Variants in SYNJ2 observed in about 807,000 individuals in gnomAD.
SYNJ2 encodes the protein polyphosphatidylinositol phosphatase SYNJ2.
Under a neutral mutation model 141.3 loss-of-function variants are expected in SYNJ2, and 116 were observed. The observed-to-expected ratio is 0.82, with a 90% confidence interval of 0.71 to 0.96. The LOEUF is 0.96. Ranked by LOEUF, SYNJ2 falls within the 40% of genes least tolerant of loss-of-function variation. The pLI, the probability that SYNJ2 is intolerant of heterozygous loss-of-function variation, is 0.00. For synonymous variants in SYNJ2, 745 were observed against 777.7 expected (o/e 0.96, Z 0.70); for missense variants, 1,873 against 1,934.8 (o/e 0.97, Z 0.60).
intron 1 of SYNJ2, among the ~76,000 whole-genome samples, chr6:157,987,943 G>T (rs1777268276): frequency 6.6e-6 from 1 of 152,260 alleles, no homozygotes; most frequent in Admixed American, 6.5e-5. Context: ...GGAGCGCTCT[G>T]CTGGTGAGCT....
intron 5 of SYNJ2, among the ~76,000 whole-genome samples, chr6:158,052,487 G>A (rs1431721359): frequency 6.6e-6 from 1 of 152,206 alleles, no homozygotes; most frequent in Non-Finnish European, 1.5e-5. Context: ...GAAGCATGGT[G>A]CCAGCATCTG....
In SYNJ2 at chr6:158,089,821, C is replaced by T. The variant is rs1164917614; in HGVS notation, c.3457-18C>T. On this transcript the variant is annotated intron_variant, in intron 24 of 26. Transcript: ENST00000355585. ...CTGCCTCTGCTGATACTCTGCTCTT[C>T]CTCATTCTGTCCTCAAGCCCAAGGC... 6.3e-7 allele frequency: 1 copy of T among 1,599,602 alleles called. No individual in the cohort carries two copies. The highest frequency in any genetic ancestry group is 8.6e-7 in the Non-Finnish European group (1 of 1,167,992).
intron 5 of SYNJ2, among the ~76,000 whole-genome samples, chr6:158,046,429 G>A (rs1227327537): frequency 2.6e-5 from 4 of 152,152 alleles, no homozygotes; most frequent in African/African-American, 4.8e-5. Context: ...TACCGTCACC[G>A]GCTTCAACTG....
rs1781270669 is a variant in SYNJ2, at chr6:158,062,235, C to T, written c.1127+71C>T. 11 of 1,568,308 alleles carry T rather than the reference C, an allele frequency of 7.0e-6. No individual in the cohort carries two copies. In the South Asian group the frequency reaches 1.2e-4, roughly 17 times the overall value. On this transcript the variant is annotated intron_variant, in intron 8 of 26. Transcript: ENST00000355585. The stretch of plus-strand genomic sequence containing the variant: ...CGTCAGTCCACGGTGAGGCTCGCTG[C>T]GTGCTGTGCCTTCTGCTGGGTGAGG...
chr6:158,062,638 A>G (rs1781295410), intron 8 of SYNJ2, among the ~76,000 whole-genome samples: 1 of 152,114 alleles, frequency 6.6e-6, no homozygotes, highest in African/African-American at 2.4e-5. Flanking sequence ...AACGAAGTCC[A>G]GTTCCCTCAG....
intron 26 of SYNJ2, among the ~76,000 whole-genome samples, chr6:158,094,668 C>CT (rs1233012582): frequency 6.6e-6 from 1 of 152,006 alleles, no homozygotes; most frequent in African/African-American, 2.4e-5. Flanking sequence ...AAGAGACTTT[C>CT]TTTTTTCTTA....
At position 158,017,291 on chromosome 6, in the gene SYNJ2, G is replaced by A. The variant is rs1432927227; in HGVS notation, c.214+1G>A. 2 of 1,611,996 alleles carry A rather than the reference G, an allele frequency of 1.2e-6. No homozygotes were observed. Among genetic ancestry groups the A allele is most frequent in the East Asian group, 2.2e-5 (1 of 44,858 alleles). On this transcript the variant is annotated splice_donor_variant, in intron 2 of 26. Coordinates refer to ENST00000355585, the MANE Select transcript of SYNJ2 (RefSeq NM_003898.4). LOFTEE classifies it high-confidence loss of function. ...CTGGGGGAGCTGAGGCTGAAATCTG[G>A]TGAGTAGCCGCTCGCTGGAGGAGCA...
At chr6:157,994,810 C>G (rs1777581170) in intron 1 of SYNJ2, among the ~76,000 whole-genome samples, 2 of 152,158 alleles carry the variant, frequency 1.3e-5, no homozygotes, top group Non-Finnish European at 2.9e-5. Context: ...CTCTTTTTGA[C>G]AGGGGAAGAT....
chr6:158,085,236 G>A (rs998039924), intron 22 of SYNJ2, among the ~76,000 whole-genome samples: 5 of 152,000 alleles, frequency 3.3e-5, no homozygotes, highest in Non-Finnish European at 5.9e-5. Context: ...GTCCAAGCTG[G>A]TCTCAAACTC....
Position 158,074,715 on chromosome 6 carries a change from C to T in SYNJ2, c.2269C>T (p.Gln757Ter). ...WKKLLEFDQL[Q>*]LQKSSGKIFK... ...GAAACTTCTGGAATTTGATCAACTA[C>T]AGCTACAGAAATCAAGTGGAAAAGT... The change falls in exon 16 of 27, where the codon CAG (glutamine) becomes TAG (stop). Residue 757 changes from glutamine to a stop codon, truncating the protein, a stop_gained. Transcript: ENST00000355585. LOFTEE classifies it high-confidence loss of function. The T allele has an allele frequency of 6.2e-7, 1 of 1,611,838 alleles. No individual in the cohort carries two copies. Among genetic ancestry groups the T allele is most frequent in the Non-Finnish European group, 8.5e-7 (1 of 1,179,582 alleles).
In SYNJ2 at chr6:158,081,463, G is replaced by A; in HGVS notation, c.2818G>A (p.Ala940Thr). ...INQGQMLVTF[A>T]DSHSALSVLD... is the part of the protein sequence containing the mutation. Reference sequence around the variant, plus strand: ...CCAAGGGCAGATGCTGGTAACTTTTGCAGACAGTCACTCGGCTCTCAGTGT... The same window carrying A: ...CCAAGGGCAGATGCTGGTAACTTTTACAGACAGTCACTCGGCTCTCAGTGT... Residue 940 changes from alanine (A) to threonine (T), a missense_variant, in exon 20 of 27, where the codon GCA (alanine) becomes ACA (threonine). By Grantham distance (58) the Ala-to-Thr change is moderately conservative (BLOSUM62 0). Transcript: ENST00000355585. 1.2e-6 allele frequency: 2 copies of A among 1,614,038 alleles called. No homozygotes were observed. Among genetic ancestry groups the A allele is most frequent in the Non-Finnish European group, 1.7e-6 (2 of 1,180,014 alleles).
intron 1 of SYNJ2, among the ~76,000 whole-genome samples, chr6:157,993,884 G>T (rs934415150): frequency 7.7e-6 from 1 of 129,144 alleles, no homozygotes; most frequent in Admixed American, 9.4e-5. Flanking sequence ...CAGCTACCTC[G>T]GCTCACTGCA....
chr6:158,081,480 T>C lies in SYNJ2; in HGVS notation c.2835T>C (p.Ala945=). 6.2e-7 allele frequency: 1 copy of C among 1,614,046 alleles called. No individual in the cohort carries two copies. Among genetic ancestry groups the C allele is most frequent in the Admixed American group, 1.7e-5 (1 of 59,988 alleles). Reference sequence around the variant, plus strand: ...TAACTTTTGCAGACAGTCACTCGGCTCTCAGTGTCCTGGACGTGGACGGTA... The same window carrying C: ...TAACTTTTGCAGACAGTCACTCGGCCCTCAGTGTCCTGGACGTGGACGGTA... ...MLVTFADSHS[A]LSVLDVDGMK... The change falls in exon 20 of 27, where the codon GCT becomes GCC. Residue 945 remains alanine, a synonymous_variant. Transcript: ENST00000355585.
In SYNJ2 at chr6:158,093,018, A is replaced by G. The variant is rs1271646631; in HGVS notation, c.3658A>G (p.Thr1220Ala). Residue 1220 changes from threonine to alanine, a missense_variant, in exon 26 of 27, where the codon ACC becomes GCC. Thr to Ala is a moderately conservative substitution (Grantham distance 58). Transcript: ENST00000355585. Reference protein sequence around the residue: ...EPTPGAAKPETPQAPPLLPRR... With the variant: ...EPTPGAAKPEAPQAPPLLPRR... The stretch of plus-strand genomic sequence containing the variant: ...CACACCGGGGGCAGCCAAACCAGAG[A>G]CCCCACAGGCGCCCCCACTCCTTCC... The G allele has an allele frequency of 6.2e-7, 1 of 1,612,838 alleles. No homozygotes were observed. Among genetic ancestry groups the G allele is most frequent in the Admixed American group, 1.7e-5 (1 of 59,588 alleles).
chr6:158,081,346 G>A lies in SYNJ2; in HGVS notation c.2786+19G>A. 6.2e-7 allele frequency: 1 copy of A among 1,613,240 alleles called. No homozygotes were observed. The highest frequency in any genetic ancestry group is 8.5e-7 in the Non-Finnish European group (1 of 1,179,160). Reference sequence around the variant, plus strand: ...TTGTCAGGTAACTGCTCCCCTGGCTGATGTGGGTTCCAGGGGATGTCGATG... The same window carrying A: ...TTGTCAGGTAACTGCTCCCCTGGCTAATGTGGGTTCCAGGGGATGTCGATG... On this transcript the variant is annotated intron_variant, in intron 19 of 26. Coordinates refer to ENST00000355585, the MANE Select transcript of SYNJ2 (RefSeq NM_003898.4).
chr6:158,083,541 A>T lies in SYNJ2; in HGVS notation c.2978A>T (p.Asn993Ile), dbSNP rs772238958. 1.2e-5 allele frequency: 20 copies of T among 1,613,944 alleles called. No individual in the cohort carries two copies. In the African/African-American group the frequency reaches 2.5e-4, roughly 20 times the overall value. ...ATGGCCCCCGTGTCTCCCACTGCCA[A>T]CTCCTGTTTGCTGGAGGAAAACTTT... ...DSMAPVSPTA[N>I]SCLLEENFDF... is the part of the protein sequence containing the mutation. Residue 993 changes from asparagine (N) to isoleucine (I), a missense_variant, in exon 21 of 27, where the codon AAC becomes ATC. Coordinates refer to ENST00000355585, the MANE Select transcript of SYNJ2 (RefSeq NM_003898.4).
At chr6:158,034,151 C>A (rs139172792) in intron 4 of SYNJ2, among the ~76,000 whole-genome samples, 94 of 152,296 alleles carry the variant, frequency 6.2e-4, no homozygotes, top group Non-Finnish European at 1.1e-3. Context: ...GTGAAATCTG[C>A]GTGTTAAGCA....
rs967170171 is a variant in SYNJ2, at chr6:158,096,673, A to C, written c.*309A>C. The C allele has an allele frequency of 4.4e-6, 1 of 227,924 alleles. No individual in the cohort carries two copies. 14.1% of individuals were successfully genotyped at this position (227,924 alleles called of 1,614,324 possible). On this transcript the variant is annotated 3_prime_UTR_variant, in exon 27 of 27. Coordinates refer to ENST00000355585, the MANE Select transcript of SYNJ2 (RefSeq NM_003898.4). ...AATGAGGTCCAAGAAGTTCTCACCC[A>C]TTGAATTTTTAAATGGCTGTTCAGT...
At chr6:158,083,334 T>G in intron 20 of SYNJ2, 95 bp from the exon 21 acceptor site, 14 of 1,435,886 alleles carry the variant, frequency 9.8e-6, no homozygotes, top group African/African-American at 1.4e-5. Context: ...ATTGGCCTCG[T>G]TGAGGGTGTG....
Sources: allele counts gnomAD v4.1 joint callset (sites outside exome capture counted in the v4.1 genomes callset), GRCh38; gene constraint gnomAD v4.1.1; transcripts MANE v1.5; gene names NCBI Gene and HGNC (gene_info 2026-07-23, HGNC 2026-07-21).